Variants in UMAD1 observed in about 807,000 individuals in gnomAD.
UMAD1 encodes UBAP1-MVB12-associated (UMA) domain containing 1.
In UMAD1, 8 loss-of-function variants were observed where a neutral mutation model predicts 6.1. The ratio of observed to expected loss-of-function variants is 1.30; its 90% CI spans 0.76 to 2.35. The LOEUF (loss-of-function observed/expected upper bound fraction) is 2.35. Ranked by LOEUF, UMAD1 falls within the 30% of genes most tolerant of loss-of-function variation. UMAD1 has a pLI of 0.00. For missense variants in UMAD1, 130 were observed against 78.4 expected (o/e 1.66, Z -2.49); for synonymous variants, 56 against 31.4 (o/e 1.78, Z -2.61).
At chr7:7,674,076 T>A (rs1334939033) in intron 2 of UMAD1, among the ~76,000 whole-genome samples, 1 of 152,220 alleles carries the variant, frequency 6.6e-6, no homozygotes, top group Non-Finnish European at 1.5e-5. Context: ...AACATCTTTG[T>A]ATGCTCTTCC....
chr7:7,735,190 A>G (rs1315475288), intron 2 of UMAD1, among the ~76,000 whole-genome samples: 1 of 152,188 alleles, frequency 6.6e-6, no homozygotes, highest in East Asian at 1.9e-4. Flanking sequence ...TGACATTGGT[A>G]ACACACCACT....
At chr7:7,657,786 G>C (rs1008458969) in intron 1 of UMAD1, among the ~76,000 whole-genome samples, 1 of 152,098 alleles carries the variant, frequency 6.6e-6, no homozygotes, top group Non-Finnish European at 1.5e-5. Flanking sequence ...GATTATCTTG[G>C]CTATGTGGGC....
chr7:7,777,154 CTTTA>C (rs931369068), intron 2 of UMAD1, among the ~76,000 whole-genome samples: 1 of 152,036 alleles, frequency 6.6e-6, no homozygotes, highest in African/African-American at 2.4e-5. Context: ...CTGTACCATA[CTTTA>C]TTTACTGATC....
chr7:7,844,712 C>A (rs1783751261), intron 3 of UMAD1, among the ~76,000 whole-genome samples: 1 of 152,118 alleles, frequency 6.6e-6, no homozygotes, highest in South Asian at 2.1e-4. Context: ...TAAGTAAGTA[C>A]ATTTTTTCTT....
At chr7:7,688,936 A>G (rs1229187813) in intron 2 of UMAD1, among the ~76,000 whole-genome samples, 2 of 152,180 alleles carry the variant, frequency 1.3e-5, no homozygotes, top group African/African-American at 4.8e-5. Context: ...TTGTTAACTT[A>G]TCTATTACTT....
chr7:7,790,886 T>C (rs77190655), intron 2 of UMAD1, among the ~76,000 whole-genome samples: 2,053 of 150,070 alleles, frequency 0.014, 21 homozygotes, highest in Non-Finnish European at 0.02. Flanking sequence ...AGTGACTGTT[T>C]TTCATTTTTT....
At chr7:7,757,818 G>A (rs181939717) in intron 2 of UMAD1, among the ~76,000 whole-genome samples, 143 of 152,226 alleles carry the variant, frequency 9.4e-4, no homozygotes, top group Non-Finnish European at 1.7e-3. Context: ...TGCCTGGTAC[G>A]TAATATATGC....
chr7:7,779,072 G>A (rs892668630), intron 2 of UMAD1, among the ~76,000 whole-genome samples: 1 of 152,130 alleles, frequency 6.6e-6, no homozygotes, highest in African/African-American at 2.4e-5. Context: ...TCATATGGTA[G>A]AAATGCTACT....
At chr7:7,708,090 T>C (rs991787419) in intron 2 of UMAD1, among the ~76,000 whole-genome samples, 3 of 152,210 alleles carry the variant, frequency 2.0e-5, no homozygotes, top group Non-Finnish European at 2.9e-5. Flanking sequence ...ATTCTTCTCT[T>C]AGCCTCCTTC....
intron 2 of UMAD1, chr7:7,715,333 G>A (rs1176462817): frequency 1.3e-5 from 2 of 152,116 alleles, no homozygotes; most frequent in African/African-American, 4.8e-5. Context: ...CAGAAGAGTT[G>A]ACCATAGACC....
chr7:7,744,937 C>T (rs1781542895), intron 2 of UMAD1, among the ~76,000 whole-genome samples: 2 of 152,046 alleles, frequency 1.3e-5, no homozygotes, highest in Admixed American at 6.6e-5. Context: ...TGTGCACAGT[C>T]GGAAATCTGT....
chr7:7,709,913 C>T (rs751674782), intron 2 of UMAD1, among the ~76,000 whole-genome samples: 5 of 152,080 alleles, frequency 3.3e-5, no homozygotes, highest in Admixed American at 6.6e-5. Flanking sequence ...TTACTCCCAC[C>T]TCAGAGGTAA....
chr7:7,730,089 A>G (rs553122113), intron 2 of UMAD1, among the ~76,000 whole-genome samples: 12 of 152,208 alleles, frequency 7.9e-5, no homozygotes, highest in Non-Finnish European at 1.5e-4. Context: ...CTACACTATT[A>G]AGCATTCCTG....
chr7:7,753,926 G>A (rs1329809636), intron 2 of UMAD1, among the ~76,000 whole-genome samples: 1 of 152,068 alleles, frequency 6.6e-6, no homozygotes, highest in Non-Finnish European at 1.5e-5. Flanking sequence ...GCTCATTCCT[G>A]TAATCCCAGC....
intron 3 of UMAD1, among the ~76,000 whole-genome samples, chr7:7,840,289 A>G (rs1469198986): frequency 3.9e-5 from 6 of 152,072 alleles, no homozygotes; most frequent in Non-Finnish European, 5.9e-5. Context: ...GAGAGGATGA[A>G]GTGTTGGATG....
chr7:7,814,856 T>G (rs1783093783), intron 3 of UMAD1, among the ~76,000 whole-genome samples: 1 of 152,142 alleles, frequency 6.6e-6, no homozygotes, highest in South Asian at 2.1e-4. Flanking sequence ...TGCGATGTGA[T>G]TTCTTCAGGG....
chr7:7,767,128 C>CTTTT (rs71014711), intron 2 of UMAD1, among the ~76,000 whole-genome samples: 16,660 of 129,630 alleles, frequency 0.13, 1,850 homozygotes, highest in African/African-American at 0.24. Context: ...AAATTAAGCT[C>CTTTT]TTTTTTTTTT....
chr7:7,806,911 C>A (rs570983679), intron 3 of UMAD1, among the ~76,000 whole-genome samples: 1 of 152,210 alleles, frequency 6.6e-6, no homozygotes, highest in East Asian at 1.9e-4. Context: ...TTTGTAGTTG[C>A]CAAAATATAG....
At chr7:7,772,071 A>G (rs1227901659) in intron 2 of UMAD1, among the ~76,000 whole-genome samples, 1 of 152,200 alleles carries the variant, frequency 6.6e-6, no homozygotes, top group South Asian at 2.1e-4. Flanking sequence ...GGAGACCTCA[A>G]GATTAAATTG....
Sources: allele counts gnomAD v4.1 joint callset (sites outside exome capture counted in the v4.1 genomes callset), GRCh38; gene constraint gnomAD v4.1.1; transcripts MANE v1.5; gene names NCBI Gene and HGNC (gene_info 2026-07-23, HGNC 2026-07-21).